Variants in CFH observed in about 807,000 individuals in gnomAD.
CFH encodes complement factor H, also known as H factor 1 (complement).
A neutral mutation model predicts 147.3 loss-of-function variants in CFH; 53 were observed. The observed-to-expected ratio is 0.36, with a 90% CI of 0.29 to 0.45. CFH has a LOEUF of 0.45. Among genes scored for constraint, CFH ranks in the 20% least tolerant of loss-of-function variants. The pLI, the probability that CFH is intolerant of heterozygous loss-of-function variation, is 1.00. For synonymous variants in CFH, 536 were observed against 489.4 expected (o/e 1.10, Z -1.26); for missense variants, 1,380 against 1,498.0 (o/e 0.92, Z 1.30).
At chr1:196,700,817 T>C (rs1668429780) in intron 9 of CFH, 1 of 985,270 alleles carries the variant, frequency 1.0e-6, no homozygotes, top group African/African-American at 1.7e-5. Context: ...GGGCCTTCTG[T>C]GTTGGCAGGG....
At chr1:196,701,704 C>T in intron 9 of CFH, 1 of 244,364 alleles carries the variant, frequency 4.1e-6, no homozygotes, top group South Asian at 6.2e-5. Flanking sequence ...CCCCTTTCCA[C>T]TGGGACAGAC....
At chr1:196,679,485 G>T in intron 5 of CFH, 138 bp from the exon 6 acceptor site, 2 of 587,926 alleles carry the variant, frequency 3.4e-6, no homozygotes, top group Non-Finnish European at 6.0e-6. Context: ...TTATTAAGCG[G>T]TCAAGTCAAA....
chr1:196,668,759 A>G (rs2149074833), intron 1 of CFH, among the ~76,000 whole-genome samples: 1 of 152,262 alleles, frequency 6.6e-6, no homozygotes, highest in Middle Eastern at 3.4e-3. Flanking sequence ...CAACCATGTG[A>G]AAGTATGAAT....
Position 196,666,626 on chromosome 1 carries a change from G to A in CFH, c.59-6352G>A, listed in dbSNP as rs1156679. ...ATCCTGGCTAACACGGTGAAACACC[G>A]TTTCTACTAAAAATACAAGAAAAAA... is the stretch of plus-strand genomic sequence containing the variant. On this transcript the variant is annotated intron_variant, in intron 1 of 21. Coordinates refer to ENST00000367429, the MANE Select transcript of CFH (RefSeq NM_000186.4). Among the ~76,000 whole-genome samples, 1,184 of 146,254 alleles carry A rather than the reference G, an allele frequency of 8.1e-3. 12 individuals are homozygous for A. The highest frequency in any genetic ancestry group is 0.012 in the Non-Finnish European group (776 of 67,248).
chr1:196,715,996 A>G (rs1457488481), intron 11 of CFH, among the ~76,000 whole-genome samples: 1 of 152,108 alleles, frequency 6.6e-6, no homozygotes, highest in Admixed American at 6.6e-5. Flanking sequence ...ATTTGTGATT[A>G]TAATATAATT....
chr1:196,681,657 T>A (rs1667663048), intron 6 of CFH, among the ~76,000 whole-genome samples: 1 of 151,862 alleles, frequency 6.6e-6, no homozygotes, highest in Non-Finnish European at 1.5e-5. Flanking sequence ...GATTGGGTAC[T>A]CCTTTTCAGA....
intron 9 of CFH, among the ~76,000 whole-genome samples, chr1:196,704,204 C>T (rs1323303644): frequency 3.3e-5 from 5 of 151,932 alleles, no homozygotes; most frequent in Non-Finnish European, 5.9e-5. Context: ...AAGCAATTTT[C>T]CTGTCTCAGC....
chr1:196,721,064 T>C (rs1668986136), intron 11 of CFH, among the ~76,000 whole-genome samples: 1 of 151,898 alleles, frequency 6.6e-6, no homozygotes, highest in South Asian at 2.1e-4. Flanking sequence ...TGATATTGAG[T>C]TTTTATTTCA....
At position 196,726,650 on chromosome 1, in the gene CFH, T is replaced by C. The variant is rs1431491220; in HGVS notation, c.2054T>C (p.Ile685Thr). The C allele has an allele frequency of 5.0e-6, 8 of 1,605,522 alleles. No homozygotes were observed. The highest frequency in any genetic ancestry group is 1.1e-5 in the South Asian group (1 of 90,894). The change falls in exon 13 of 22, where the codon ATT becomes ACT. Residue 685 changes from isoleucine (I) to threonine (T), a missense_variant and splice_region_variant. By Grantham distance (89) the Ile-to-Thr change is moderately conservative (BLOSUM62 -1). This residue lies in a region of CFH where 830 missense variants were observed against 821.4 expected (regional missense o/e 1.01). Transcript: ENST00000367429. Reference sequence around the variant, plus strand: ...GAGTGGACAACTTTACCAGTGTGTATTGGTAATGTATAAAATATTAATATT... The same window carrying C: ...GAGTGGACAACTTTACCAGTGTGTACTGGTAATGTATAAAATATTAATATT... ...DGEWTTLPVC[I>T]VEESTCGDIP...
intron 1 of CFH, among the ~76,000 whole-genome samples, chr1:196,664,817 G>A (rs1667026140): frequency 2.0e-5 from 3 of 151,880 alleles, no homozygotes; most frequent in Admixed American, 6.6e-5. Context: ...TAAACACTCT[G>A]TACCTAAATA....
intron 1 of CFH, among the ~76,000 whole-genome samples, chr1:196,654,201 G>A (rs547073214): frequency 1.8e-4 from 27 of 152,120 alleles, no homozygotes; most frequent in Admixed American, 5.2e-4. Flanking sequence ...ATCACAATCT[G>A]CTTTATTCAA....
chr1:196,666,148 G>A (rs1667078023), intron 1 of CFH, among the ~76,000 whole-genome samples: 1 of 152,202 alleles, frequency 6.6e-6, no homozygotes, highest in Admixed American at 6.5e-5. Context: ...GTTGATGCCA[G>A]TATAGGTCAC....
At chr1:196,712,752 G>A (rs1182800679) in intron 9 of CFH, among the ~76,000 whole-genome samples, 1 of 143,810 alleles carries the variant, frequency 7.0e-6, no homozygotes, top group African/African-American at 2.6e-5. Flanking sequence ...ATCTCCTAAT[G>A]CTATCCCTCC....
intron 7 of CFH, among the ~76,000 whole-genome samples, chr1:196,687,547 T>C (rs906054630): frequency 1.3e-5 from 2 of 152,100 alleles, no homozygotes; most frequent in African/African-American, 4.8e-5. Context: ...ATACTCATAC[T>C]TGCTTTGAAA....
chr1:196,734,960 T>C (rs1669367219), intron 15 of CFH, among the ~76,000 whole-genome samples: 1 of 152,140 alleles, frequency 6.6e-6, no homozygotes. Flanking sequence ...ATGACTTCAG[T>C]TTTAATTTCA....
At chr1:196,686,187 A>T (rs972445538) in intron 7 of CFH, among the ~76,000 whole-genome samples, 1 of 152,160 alleles carries the variant, frequency 6.6e-6, no homozygotes, top group African/African-American at 2.4e-5. Context: ...TGGGAATTAC[A>T]ATTCAACATG....
At chr1:196,719,827 A>T (rs1668956881) in intron 11 of CFH, among the ~76,000 whole-genome samples, 1 of 151,770 alleles carries the variant, frequency 6.6e-6, no homozygotes. Context: ...GTTAACATAA[A>T]TATTCAGGAT....
intron 11 of CFH, among the ~76,000 whole-genome samples, chr1:196,720,371 T>C (rs1668970284): frequency 6.6e-6 from 1 of 152,100 alleles, no homozygotes; most frequent in South Asian, 2.1e-4. Flanking sequence ...ACTTTTAGTG[T>C]ATTCATCACC....
chr1:196,721,814 C>CTTT (rs33956114), intron 11 of CFH, among the ~76,000 whole-genome samples: 2,207 of 150,720 alleles, frequency 0.015, 56 homozygotes, highest in African/African-American at 0.05. Context: ...AACTTCTTGT[C>CTTT]TTTTTTTTCT....
Sources: allele counts gnomAD v4.1 joint callset (sites outside exome capture counted in the v4.1 genomes callset), GRCh38; gene constraint gnomAD v4.1.1; regional missense constraint gnomAD v4.1.1; transcripts MANE v1.5; gene names NCBI Gene and HGNC (gene_info 2026-07-23, HGNC 2026-07-21).